The following HS6ST2 variants were observed in gnomAD, a reference collection of about 807,000 sequenced individuals.
HS6ST2 encodes the protein heparan-sulfate 6-O-sulfotransferase 2.
Under a neutral mutation model 33.0 loss-of-function variants are expected in HS6ST2, and 17 were observed. The ratio of observed to expected loss-of-function variants is 0.52; its 90% CI spans 0.35 to 0.77. HS6ST2 has a LOEUF of 0.77. Ranked by LOEUF, HS6ST2 falls within the 30% of genes least tolerant of loss-of-function variation. HS6ST2 has a pLI of 0.01. For missense variants in HS6ST2, 519 were observed against 551.7 expected (o/e 0.94, Z 0.59); for synonymous variants, 248 against 237.1 (o/e 1.05, Z -0.42).
chrX:132,720,189 G>A (rs899316036), intron 2 of HS6ST2, among the ~76,000 whole-genome samples: 1 of 112,491 alleles, frequency 8.9e-6, no homozygotes. Flanking sequence ...ATTCAGAACT[G>A]CTTATTTGAA....
At chrX:132,871,528 C>T (rs977181799) in intron 2 of HS6ST2, among the ~76,000 whole-genome samples, 1 of 111,880 alleles carries the variant, frequency 8.9e-6, no homozygotes, top group Admixed American at 9.5e-5. Flanking sequence ...TTGGAACCAA[C>T]CCAAATGCCC....
intron 2 of HS6ST2, among the ~76,000 whole-genome samples, chrX:132,737,385 A>T (rs1042985632): frequency 2.7e-5 from 3 of 111,599 alleles, no homozygotes; most frequent in African/African-American, 9.8e-5. Context: ...TGTCATGAGA[A>T]CTTACTGGGC....
At chrX:132,759,915 G>C (rs1369738275) in intron 2 of HS6ST2, among the ~76,000 whole-genome samples, 1 of 111,714 alleles carries the variant, frequency 9.0e-6, no homozygotes, top group Non-Finnish European at 1.9e-5. Flanking sequence ...CTATGAGGTA[G>C]GTTCTATTTA....
chrX:132,932,829 A>T (rs1039067450), intron 2 of HS6ST2, among the ~76,000 whole-genome samples: 9 of 106,095 alleles, frequency 8.5e-5, no homozygotes, highest in Non-Finnish European at 1.5e-4. Flanking sequence ...TATAATATAT[A>T]ATATTTTTCT....
At chrX:132,877,901 A>G (rs2066124439) in intron 2 of HS6ST2, among the ~76,000 whole-genome samples, 1 of 110,968 alleles carries the variant, frequency 9.0e-6, no homozygotes, top group African/African-American at 3.3e-5. Flanking sequence ...CTTGGAGGAG[A>G]CGGTCTTGGA....
chrX:132,887,165 G>A (rs947952046), intron 2 of HS6ST2, among the ~76,000 whole-genome samples: 2 of 110,469 alleles, frequency 1.8e-5, no homozygotes, highest in African/African-American at 3.3e-5. Context: ...ATGAAAAAAG[G>A]TAACCAATAA....
At chrX:132,666,711 A>T (rs1166208757) in intron 4 of HS6ST2, among the ~76,000 whole-genome samples, 1 of 111,672 alleles carries the variant, frequency 9.0e-6, no homozygotes, top group Non-Finnish European at 1.9e-5. Flanking sequence ...TGTTTTCTTC[A>T]AAAACAGAGA....
chrX:132,664,483 T>A (rs1483502468), intron 4 of HS6ST2, among the ~76,000 whole-genome samples: 1 of 111,806 alleles, frequency 8.9e-6, no homozygotes, highest in Non-Finnish European at 1.9e-5. Context: ...CAAAGGCAGG[T>A]TAGAGCCGGT....
intron 2 of HS6ST2, among the ~76,000 whole-genome samples, chrX:132,813,528 T>C (rs113028505): frequency 5.1e-4 from 57 of 111,985 alleles, no homozygotes; most frequent in African/African-American, 1.8e-3. Flanking sequence ...TAGATTATAA[T>C]AAAATTGAAT....
At chrX:132,665,407 A>T (rs2063801844) in intron 4 of HS6ST2, among the ~76,000 whole-genome samples, 1 of 111,979 alleles carries the variant, frequency 8.9e-6, no homozygotes. Flanking sequence ...TGTGTGCCTC[A>T]TGGAAAGTGA....
intron 2 of HS6ST2, among the ~76,000 whole-genome samples, chrX:132,885,094 G>A (rs1278344331): frequency 8.9e-6 from 1 of 111,926 alleles, no homozygotes; most frequent in Non-Finnish European, 1.9e-5. Flanking sequence ...CAGAAAAAAT[G>A]TGGAACCAAT....
At chrX:132,875,868 C>G (rs1388499807) in intron 2 of HS6ST2, among the ~76,000 whole-genome samples, 1 of 110,800 alleles carries the variant, frequency 9.0e-6, no homozygotes, top group Non-Finnish European at 1.9e-5. Flanking sequence ...TGGTTCTACA[C>G]GACACTCTGT....
rs187310994 is a variant in HS6ST2, at chrX:132,862,652, C to T, written c.947+94156G>A. Among the ~76,000 whole-genome samples, 70 of 112,003 alleles carry T rather than the reference C, an allele frequency of 6.2e-4. 1 individual carries two copies. The East Asian group carries it at 0.016, about 26-fold the overall frequency. On this transcript the variant is annotated intron_variant, in intron 2 of 4. Coordinates refer to ENST00000370833, the MANE Select transcript of HS6ST2 (RefSeq NM_001394073.1). ...TTCTTAGTCACACTAGAAACATTTT[C>T]AATGCTCAATATTCACATGTGTTAA...
intron 2 of HS6ST2, among the ~76,000 whole-genome samples, chrX:132,843,819 T>C (rs1241914453): frequency 1.8e-5 from 2 of 111,514 alleles, no homozygotes; most frequent in African/African-American, 6.5e-5. Flanking sequence ...CACAAATACA[T>C]GAGAAAAGTT....
At chrX:132,803,442 T>C (rs770095181) in intron 2 of HS6ST2, among the ~76,000 whole-genome samples, 1 of 111,551 alleles carries the variant, frequency 9.0e-6, no homozygotes, top group East Asian at 2.8e-4. Context: ...AGAGTCTTGC[T>C]TTGTCACCCA....
chrX:132,692,448 C>A (rs2064073388), intron 3 of HS6ST2, among the ~76,000 whole-genome samples: 2 of 111,086 alleles, frequency 1.8e-5, no homozygotes, highest in Admixed American at 1.9e-4. Context: ...CAGCTGTTTT[C>A]TCCTTCCCCT....
Position 132,956,866 on chromosome X carries a change from T to G in HS6ST2, c.889A>C (p.Thr297Pro). 1 of 1,186,629 alleles carries G rather than the reference T, an allele frequency of 8.4e-7. No individual in the cohort carries two copies. ...CGLHADWTEL[T>P]SCVPSVVDGK... is the part of the protein sequence containing the mutation. ...TCCACCACGGAGGGCACACAGCTGG[T>G]GAGCTCGGTCCAGTCGGCGTGCAAC... Residue 297 changes from threonine to proline, a missense_variant, in exon 2 of 5, where the codon ACC becomes CCC. Coordinates refer to ENST00000370833, the MANE Select transcript of HS6ST2 (RefSeq NM_001394073.1).
chrX:132,872,947 T>C (rs777340878), intron 2 of HS6ST2, among the ~76,000 whole-genome samples: 5 of 111,421 alleles, frequency 4.5e-5, no homozygotes, highest in Non-Finnish European at 7.5e-5. Flanking sequence ...GTAAAAGCAA[T>C]GCACTGCTGA....
At chrX:132,632,804 C>T (rs1033920031) in intron 4 of HS6ST2, among the ~76,000 whole-genome samples, 9 of 110,704 alleles carry the variant, frequency 8.1e-5, no homozygotes, top group African/African-American at 1.6e-4. Context: ...CAACTGGGCA[C>T]GGTGGCTCAC....
Sources: allele counts gnomAD v4.1 joint callset (sites outside exome capture counted in the v4.1 genomes callset), GRCh38; gene constraint gnomAD v4.1.1; transcripts MANE v1.5; gene names NCBI Gene and HGNC (gene_info 2026-07-23, HGNC 2026-07-21).